USP53: variants seen among roughly 807,000 people sequenced by gnomAD.
The protein encoded by USP53 is ubiquitin specific peptidase 53.
A neutral mutation model predicts 94.9 loss-of-function variants in USP53; 71 were observed. The ratio of observed to expected loss-of-function variants is 0.75; its 90% CI spans 0.62 to 0.91. The LOEUF is 0.91. Ranked by LOEUF, USP53 falls within the 40% of genes least tolerant of loss-of-function variation. USP53 has a pLI of 0.00. For missense variants in USP53, 1,173 were observed against 1,281.0 expected, an observed-to-expected ratio of 0.92 and a Z score of 1.29; for synonymous variants, 375 against 422.7, an observed-to-expected ratio of 0.89 and a Z score of 1.39.
At position 119,257,938 on chromosome 4, in the gene USP53, T is replaced by C. The variant is rs577280783; in HGVS notation, c.569+1415T>C. On this transcript the variant is annotated intron_variant, in intron 9 of 18. Transcript: ENST00000692078. Reference sequence around the variant, plus strand: ...CAGTGTTCTGAGGCAGAATGTTAGATAATAAGAATTACAGCCCCATCATTC... The same window carrying C: ...CAGTGTTCTGAGGCAGAATGTTAGACAATAAGAATTACAGCCCCATCATTC... 2.6e-5 allele frequency among the ~76,000 whole-genome samples: 4 copies of C among 152,364 alleles called. 1 individual carries two copies. In the East Asian group the frequency reaches 7.7e-4, roughly 29 times the overall value.
chr4:119,257,102 C>T (rs989853403), intron 9 of USP53, among the ~76,000 whole-genome samples: 4 of 152,208 alleles, frequency 2.6e-5, no homozygotes, highest in Non-Finnish European at 4.4e-5. Flanking sequence ...CTAGACCTTA[C>T]ATAATGTTCT....
At chr4:119,238,293 C>A (rs1262182851) in intron 4 of USP53, among the ~76,000 whole-genome samples, 3 of 152,098 alleles carry the variant, frequency 2.0e-5, no homozygotes, top group African/African-American at 7.2e-5. Flanking sequence ...CACCTAGGGG[C>A]CATTGTAGGG....
At chr4:119,244,722 T>G (rs775088539) in intron 5 of USP53, among the ~76,000 whole-genome samples, 16 of 152,200 alleles carry the variant, frequency 1.1e-4, no homozygotes, top group Non-Finnish European at 2.9e-5. Flanking sequence ...TTGTCTTTGC[T>G]TTGTCTTTGT....
At chr4:119,273,315 CAAAAAA>C in intron 16 of USP53, 1 of 140,982 alleles carries the variant, frequency 7.1e-6, no homozygotes, top group South Asian at 2.2e-4. Context: ...GGTCCTGGCT[CAAAAAA>C]AAAAAAAAAG....
At chr4:119,253,739 G>A (rs765925216) in intron 7 of USP53, among the ~76,000 whole-genome samples, 53 of 152,310 alleles carry the variant, frequency 3.5e-4, no homozygotes, top group Non-Finnish European at 5.6e-4. Flanking sequence ...ATATTGTTAT[G>A]TGTGAATTTG....
At chr4:119,257,773 A>G (rs1216097929) in intron 9 of USP53, among the ~76,000 whole-genome samples, 1 of 152,264 alleles carries the variant, frequency 6.6e-6, no homozygotes, top group East Asian at 1.9e-4. Context: ...TTAGAGAAAC[A>G]TTCCTAAACT....
At position 119,271,953 on chromosome 4, in the gene USP53, C is replaced by G. The variant is rs772576825; in HGVS notation, c.2093C>G (p.Ser698Cys). 1.5e-5 allele frequency: 24 copies of G among 1,613,770 alleles called. No individual in the cohort carries two copies. The change falls in exon 16 of 19, where the codon TCT becomes TGT. Residue 698 changes from serine to cysteine, a missense_variant. Coordinates refer to ENST00000692078, the MANE Select transcript of USP53 (RefSeq NM_001371395.1). ...AGCAGTGATCACATCAGTAATGGTT[C>G]TACTAATTTGGACTCACCTGTTATC... ...YESSDHISNG[S>C]TNLDSPVIDG... is the part of the protein sequence containing the mutation.
chr4:119,225,913 G>A (rs1338175563), intron 3 of USP53, among the ~76,000 whole-genome samples: 2 of 152,122 alleles, frequency 1.3e-5, no homozygotes, highest in African/African-American at 4.8e-5. Context: ...TGATAAATTG[G>A]CATCATCGAC....
Position 119,239,855 on chromosome 4 carries a change from G to T in USP53, c.96G>T (p.Leu32Phe), listed in dbSNP as rs755751762. ...SMLSLAPTKG[L>F]LNEPGQNSCF... ...TATCACTAGCCCCTACCAAAGGCTT[G>T]TTAAATGAACCAGGACAAAACAGCT... The change falls in exon 5 of 19, where the codon TTG (leucine) becomes TTT (phenylalanine). Residue 32 changes from leucine to phenylalanine, a missense_variant. Physicochemically the swap from Leu to Phe is conservative, Grantham distance 22 (BLOSUM62 0). Transcript: ENST00000692078. The T allele has an allele frequency of 1.9e-6, 3 of 1,612,192 alleles. No homozygotes were observed. The Admixed American group carries it at 5.0e-5, about 27-fold the overall frequency.
chr4:119,219,698 G>T (rs1015078864), intron 3 of USP53: 1 of 152,180 alleles, frequency 6.6e-6, no homozygotes, highest in African/African-American at 2.4e-5. Context: ...CCTTTTGGGG[G>T]AAAACACCTG....
At chr4:119,223,271 G>A (rs1561188058) in intron 3 of USP53, among the ~76,000 whole-genome samples, 1 of 152,160 alleles carries the variant, frequency 6.6e-6, no homozygotes. Flanking sequence ...TGTAGGATGG[G>A]TGAGGGGTAT....
In USP53 at chr4:119,256,394, T is replaced by C. The variant is rs1157952981; in HGVS notation, c.486+35T>C. 2.5e-6 allele frequency: 4 copies of C among 1,613,240 alleles called. No individual in the cohort carries two copies. In the South Asian group the frequency reaches 4.4e-5, roughly 18 times the overall value. ...CTTGATTATTATTTAGATATTGTAG[T>C]TCTGTTTTATGATTGATAGATTAAA... is the stretch of plus-strand genomic sequence containing the variant. On this transcript the variant is annotated intron_variant, in intron 8 of 18. Transcript: ENST00000692078.
chr4:119,231,819 A>G (rs1321574816), intron 3 of USP53, among the ~76,000 whole-genome samples: 1 of 152,178 alleles, frequency 6.6e-6, no homozygotes, highest in Non-Finnish European at 1.5e-5. Context: ...GATGACGTGT[A>G]AAATGTTGTG....
At chr4:119,246,213 T>A (rs113005011) in intron 6 of USP53, among the ~76,000 whole-genome samples, 3,711 of 152,284 alleles carry the variant, frequency 0.024, 58 homozygotes, top group South Asian at 0.056. Context: ...CTGGCCTTAA[T>A]GACTGATTTC....
intron 13 of USP53, among the ~76,000 whole-genome samples, chr4:119,267,891 G>A (rs1751349306): frequency 2.0e-5 from 3 of 152,178 alleles, no homozygotes; most frequent in Admixed American, 2.0e-4. Flanking sequence ...ATCTGGGCCG[G>A]GCGCGGTGGC....
intron 17 of USP53, among the ~76,000 whole-genome samples, chr4:119,279,422 G>C (rs1238849941): frequency 6.9e-6 from 1 of 145,472 alleles, no homozygotes. Flanking sequence ...CGGGGGTCAG[G>C]GGTCAGGGAC....
In USP53 at chr4:119,259,852, A is replaced by C; in HGVS notation, c.602A>C (p.Glu201Ala). 1 of 1,612,442 alleles carries C rather than the reference A, an allele frequency of 6.2e-7. No individual in the cohort carries two copies. Among genetic ancestry groups the C allele is most frequent in the East Asian group, 2.2e-5 (1 of 44,692 alleles). The change falls in exon 10 of 19, where the codon GAA (glutamate) becomes GCA (alanine). Residue 201 changes from glutamate (E) to alanine (A), a missense_variant. Coordinates refer to ENST00000692078, the MANE Select transcript of USP53 (RefSeq NM_001371395.1). ...NEVERMLERHERFKPEMFAEL... is the reference protein window; with the variant it reads ...NEVERMLERHARFKPEMFAEL... The stretch of plus-strand genomic sequence containing the variant: ...GTTGAAAGAATGTTGGAAAGGCATG[A>C]ACGCTTTAAACCTGAAATGTTTGCA...
In USP53 at chr4:119,248,895, G is replaced by GATA. The variant is rs574680516; in HGVS notation, c.372+14_372+16dup. The stretch of plus-strand genomic sequence containing the variant: ...TGCGGAGTGCTTTGTAAGTGTTTCT[G>GATA]ATATTCCTTAAGAAGTCAGGATAGT... On this transcript the variant is annotated intron_variant, in intron 7 of 18. Transcript: ENST00000692078. The GATA allele has an allele frequency of 3.4e-4, 542 of 1,613,028 alleles. No homozygotes were observed. The African/African-American group carries it at 6.3e-3, about 19-fold the overall frequency.
At chr4:119,279,749 C>T (rs542197124) in intron 17 of USP53, among the ~76,000 whole-genome samples, 1 of 152,192 alleles carries the variant, frequency 6.6e-6, no homozygotes, top group Admixed American at 6.5e-5. Context: ...TAGCAGTCAG[C>T]GAGATTCCAT....
Sources: gnomAD v4.1 joint callset for allele counts (sites outside exome capture counted in the v4.1 genomes callset) on GRCh38, gnomAD v4.1.1 for gene constraint, MANE v1.5 for transcripts, NCBI Gene and HGNC (gene_info 2026-07-23, HGNC 2026-07-21) for gene names.